The following LMNTD1 variants were observed in gnomAD, a reference collection of about 807,000 sequenced individuals.
The protein encoded by LMNTD1 is lamin tail domain-containing protein 1.
A neutral mutation model predicts 50.9 loss-of-function variants in LMNTD1; 35 were observed. That is an observed-to-expected ratio of 0.69 (90% CI 0.53 to 0.91). The LOEUF (loss-of-function observed/expected upper bound fraction) is 0.91, where lower values mean the gene tolerates loss of function less well. Ranked by LOEUF, LMNTD1 falls within the 40% of genes least tolerant of loss-of-function variation. LMNTD1 has a pLI of 0.00. For synonymous variants in LMNTD1, 153 were observed against 161.9 expected (o/e 0.94, Z 0.42); for missense variants, 470 against 475.5 (o/e 0.99, Z 0.11).
At chr12:25,530,560 C>A (rs979082813) in intron 4 of LMNTD1, among the ~76,000 whole-genome samples, 1 of 152,178 alleles carries the variant, frequency 6.6e-6, no homozygotes, top group Non-Finnish European at 1.5e-5. Context: ...AGTCAAACAG[C>A]CAGTTTCTGA....
Position 25,619,383 on chromosome 12 carries a change from C to T in LMNTD1, c.58+29111G>A, listed in dbSNP as rs77216132. Among the ~76,000 whole-genome samples, 1,019 of 152,088 alleles carry T rather than the reference C, an allele frequency of 6.7e-3. 18 individuals carry two copies. The East Asian group carries it at 0.068, about 10-fold the overall frequency. ...ACTTAAAATGTAAAAGTTCTATACG[C>T]AAAACATACAACAAAGTTAAAACAC... On this transcript the variant is annotated intron_variant, in intron 1 of 7. Coordinates refer to the LMNTD1 transcript ENST00000445693.
At chr12:25,483,738 C>T (rs1013921513) in intron 9 of LMNTD1, among the ~76,000 whole-genome samples, 1 of 149,570 alleles carries the variant, frequency 6.7e-6, no homozygotes, top group Non-Finnish European at 1.5e-5. Context: ...CGCCACTGTA[C>T]TCCAAGCCAG....
chr12:25,634,401 G>A (rs925766686), intron 1 of LMNTD1, among the ~76,000 whole-genome samples: 5 of 152,024 alleles, frequency 3.3e-5, no homozygotes, highest in African/African-American at 7.2e-5. Context: ...ACTACAGACC[G>A]ATATCCTTGA....
chr12:25,608,585 C>T (rs1003598920), intron 1 of LMNTD1, among the ~76,000 whole-genome samples: 2 of 152,186 alleles, frequency 1.3e-5, no homozygotes, highest in African/African-American at 4.8e-5. Flanking sequence ...TTCTCCTTCA[C>T]TTATGAAGCT....
intron 9 of LMNTD1, among the ~76,000 whole-genome samples, chr12:25,494,224 T>C (rs1938986217): frequency 6.6e-6 from 1 of 152,238 alleles, no homozygotes; most frequent in African/African-American, 2.4e-5. Flanking sequence ...AGAAGAGTTT[T>C]ATTACTGACC....
At chr12:25,608,245 C>T (rs1036834833) in intron 1 of LMNTD1, among the ~76,000 whole-genome samples, 5 of 152,150 alleles carry the variant, frequency 3.3e-5, no homozygotes, top group African/African-American at 1.2e-4. Flanking sequence ...TGAGATGGGT[C>T]TCCTGAATAT....
At chr12:25,552,581 G>GAAAAAAAAAAAAA (rs55848800) in intron 2 of LMNTD1, among the ~76,000 whole-genome samples, 2 of 58,154 alleles carry the variant, frequency 3.4e-5, no homozygotes, top group Non-Finnish European at 6.5e-5. Flanking sequence ...CACTCTGTCT[G>GAAAAAAAAAAAAA]AAAAAAAAAA....
intron 9 of LMNTD1, among the ~76,000 whole-genome samples, chr12:25,482,557 TA>T (rs758914971): frequency 1.3e-5 from 2 of 152,152 alleles, no homozygotes; most frequent in East Asian, 3.9e-4. Context: ...AAATTTTGAA[TA>T]TATCTTTGAA....
At chr12:25,559,185 TA>T (rs2136292976) in intron 1 of LMNTD1, among the ~76,000 whole-genome samples, 1 of 152,208 alleles carries the variant, frequency 6.6e-6, no homozygotes, top group Admixed American at 6.5e-5. Flanking sequence ...CCTAATGCTA[TA>T]CCTCCCCCCT....
intron 1 of LMNTD1, among the ~76,000 whole-genome samples, chr12:25,602,001 A>G (rs909387042): frequency 9.9e-5 from 15 of 151,938 alleles, no homozygotes; most frequent in Non-Finnish European, 2.2e-4. Flanking sequence ...CTTTTTTACC[A>G]AAGTATTAAT....
chr12:25,534,501 C>T (rs1019781711), intron 4 of LMNTD1, among the ~76,000 whole-genome samples: 8 of 152,100 alleles, frequency 5.3e-5, no homozygotes, highest in African/African-American at 1.9e-4. Flanking sequence ...GGAGATGGAG[C>T]TGAGAGTCTG....
chr12:25,480,977 C>T (rs1938425790), intron 9 of LMNTD1, among the ~76,000 whole-genome samples: 1 of 152,194 alleles, frequency 6.6e-6, no homozygotes, highest in Admixed American at 6.5e-5. Flanking sequence ...CAAGGCTCTA[C>T]AAGACCTGCT....
At chr12:25,601,314 A>G (rs1314475907) in intron 1 of LMNTD1, among the ~76,000 whole-genome samples, 3 of 151,784 alleles carry the variant, frequency 2.0e-5, no homozygotes, top group African/African-American at 7.2e-5. Flanking sequence ...GGGTAGTGGG[A>G]TGGTGGAGGT....
chr12:25,598,769 T>C (rs528269340), intron 1 of LMNTD1, among the ~76,000 whole-genome samples: 5 of 152,052 alleles, frequency 3.3e-5, no homozygotes, highest in African/African-American at 9.6e-5. Context: ...GACACGTTAC[T>C]GGACACATGT....
At chr12:25,583,188 ATT>A (rs10699058) in intron 1 of LMNTD1, among the ~76,000 whole-genome samples, 2 of 139,210 alleles carry the variant, frequency 1.4e-5, no homozygotes, top group Non-Finnish European at 3.1e-5. Context: ...CGCCTGGCTA[ATT>A]TTTTTTTTTT....
At chr12:25,536,623 G>A (rs1007550277) in intron 4 of LMNTD1, among the ~76,000 whole-genome samples, 1 of 151,770 alleles carries the variant, frequency 6.6e-6, no homozygotes, top group African/African-American at 2.4e-5. Context: ...AATATCTGTA[G>A]TATCAAAAGA....
intron 9 of LMNTD1, among the ~76,000 whole-genome samples, chr12:25,479,961 C>T (rs777102388): frequency 5.3e-5 from 8 of 152,178 alleles, no homozygotes; most frequent in East Asian, 1.9e-4. Context: ...CCATGCATAA[C>T]CTCCATCCCT....
At chr12:25,563,198 T>A (rs185184350) in intron 1 of LMNTD1, among the ~76,000 whole-genome samples, 2 of 152,372 alleles carry the variant, frequency 1.3e-5, no homozygotes, top group African/African-American at 4.8e-5. Flanking sequence ...GTAGCTGCGT[T>A]CCTTTGGAGG....
intron 1 of LMNTD1, among the ~76,000 whole-genome samples, chr12:25,642,151 G>A (rs1946969776): frequency 6.6e-6 from 1 of 152,156 alleles, no homozygotes; most frequent in Admixed American, 6.5e-5. Flanking sequence ...AAGGGTCCAG[G>A]TAAGGAACTA....
Sources: allele counts gnomAD v4.1 joint callset (sites outside exome capture counted in the v4.1 genomes callset), GRCh38; gene constraint gnomAD v4.1.1; transcripts MANE v1.5; gene names NCBI Gene and HGNC (gene_info 2026-07-23, HGNC 2026-07-21).